MAGI2: variants seen among roughly 807,000 people sequenced by gnomAD.
MAGI2 encodes membrane associated guanylate kinase, WW and PDZ domain containing 2.
Under a neutral mutation model 133.3 loss-of-function variants are expected in MAGI2, and 35 were observed. The observed-to-expected ratio is 0.26, with a 90% CI of 0.20 to 0.35. The LOEUF is 0.35. Ranked by LOEUF, MAGI2 falls within the 10% of genes least tolerant of loss-of-function variation. MAGI2 has a pLI of 1.00. For synonymous variants in MAGI2, 729 were observed against 710.6 expected, an observed-to-expected ratio of 1.03 and a Z score of -0.41; for missense variants, 1,636 against 1,863.4, an observed-to-expected ratio of 0.88 and a Z score of 2.25.
At chr7:78,135,960 GA>G (rs928051902) in intron 16 of MAGI2, among the ~76,000 whole-genome samples, 7 of 151,328 alleles carry the variant, frequency 4.6e-5, no homozygotes, top group Non-Finnish European at 7.4e-5. Flanking sequence ...TATGCCACGG[GA>G]AAAAAAATAA....
intron 1 of MAGI2, among the ~76,000 whole-genome samples, chr7:79,259,008 A>G (rs1833892552): frequency 6.6e-6 from 1 of 152,220 alleles, no homozygotes; most frequent in Non-Finnish European, 1.5e-5. Flanking sequence ...AAGTAAATCT[A>G]GTGCCTATTG....
intron 6 of MAGI2, among the ~76,000 whole-genome samples, chr7:78,471,550 T>C (rs56080134): frequency 0.044 from 6,730 of 152,182 alleles, 509 homozygotes; most frequent in African/African-American, 0.15. Context: ...TAGACATACT[T>C]CTATGTATAT....
chr7:78,422,273 T>C (rs1274190196), intron 6 of MAGI2, among the ~76,000 whole-genome samples: 1 of 152,168 alleles, frequency 6.6e-6, no homozygotes, highest in Non-Finnish European at 1.5e-5. Context: ...GTCACACTGA[T>C]TGTAAAGTAG....
At chr7:78,609,367 T>C (rs1411620821) in intron 3 of MAGI2, among the ~76,000 whole-genome samples, 2 of 152,194 alleles carry the variant, frequency 1.3e-5, no homozygotes, top group Non-Finnish European at 1.5e-5. Flanking sequence ...AACATGACTA[T>C]GCTTCATACA....
At chr7:78,453,080 T>C (rs1255712110) in intron 6 of MAGI2, among the ~76,000 whole-genome samples, 1 of 152,184 alleles carries the variant, frequency 6.6e-6, no homozygotes, top group East Asian at 1.9e-4. Context: ...TTGTATTCTC[T>C]GAGGTTTTAT....
intron 3 of MAGI2, among the ~76,000 whole-genome samples, chr7:78,540,704 C>G (rs1034794909): frequency 2.0e-5 from 3 of 152,162 alleles, no homozygotes; most frequent in African/African-American, 7.2e-5. Flanking sequence ...GGCAGCCCTC[C>G]CTAAGGAACC....
intron 2 of MAGI2, among the ~76,000 whole-genome samples, chr7:78,664,017 G>A (rs769169493): frequency 8.5e-5 from 13 of 152,184 alleles, no homozygotes; most frequent in Non-Finnish European, 1.3e-4. Context: ...GGGATGAGCA[G>A]TGCATTTCAG....
At chr7:78,297,557 T>C (rs561706860) in intron 9 of MAGI2, among the ~76,000 whole-genome samples, 22 of 148,794 alleles carry the variant, frequency 1.5e-4, no homozygotes, top group Admixed American at 1.1e-3. Context: ...TTATTCACAA[T>C]AGCAAAGACT....
chr7:78,457,372 T>G (rs1415540916), intron 6 of MAGI2, among the ~76,000 whole-genome samples: 1 of 152,200 alleles, frequency 6.6e-6, no homozygotes. Context: ...CAGATTCTCC[T>G]AGGTTCAAAT....
At chr7:78,585,496 G>A (rs1422387462) in intron 3 of MAGI2, among the ~76,000 whole-genome samples, 3 of 152,176 alleles carry the variant, frequency 2.0e-5, no homozygotes, top group East Asian at 1.9e-4. Flanking sequence ...AGTGGAAATG[G>A]CAGCAGCATA....
intron 6 of MAGI2, among the ~76,000 whole-genome samples, chr7:78,424,524 C>T (rs140356586): frequency 6.6e-6 from 1 of 152,246 alleles, no homozygotes; most frequent in East Asian, 1.9e-4. Context: ...ATCCTCCAGA[C>T]CCCAGAATGG....
intron 1 of MAGI2, among the ~76,000 whole-genome samples, chr7:79,361,914 A>C (rs1842403821): frequency 1.3e-5 from 2 of 152,130 alleles, no homozygotes; most frequent in African/African-American, 4.8e-5. Flanking sequence ...ATATATGGGA[A>C]GCAGCTAAGG....
At chr7:78,200,863 A>C (rs1481101392) in intron 11 of MAGI2, among the ~76,000 whole-genome samples, 1 of 152,228 alleles carries the variant, frequency 6.6e-6, no homozygotes. Context: ...TATTGTGGAC[A>C]GGAGAAAAAC....
intron 9 of MAGI2, among the ~76,000 whole-genome samples, chr7:78,291,293 A>G (rs1278915135): frequency 6.6e-6 from 1 of 152,240 alleles, no homozygotes; most frequent in Non-Finnish European, 1.5e-5. Context: ...ATCACAGAAT[A>G]CTATAAACAC....
intron 9 of MAGI2, among the ~76,000 whole-genome samples, chr7:78,309,889 T>C (rs1798555989): frequency 6.6e-6 from 1 of 152,006 alleles, no homozygotes; most frequent in South Asian, 2.1e-4. Context: ...ATTGAGAAGA[T>C]AAAATAAAAT....
chr7:78,066,750 T>C (rs564225708), intron 21 of MAGI2, among the ~76,000 whole-genome samples: 127 of 152,340 alleles, frequency 8.3e-4, no homozygotes, highest in Non-Finnish European at 1.5e-3. Flanking sequence ...AACTGCTTCC[T>C]GCACTGCCTG....
intron 6 of MAGI2, among the ~76,000 whole-genome samples, chr7:78,433,034 C>T: frequency 6.6e-6 from 1 of 152,040 alleles, no homozygotes; most frequent in East Asian, 1.9e-4. Context: ...CCCATGTTCA[C>T]TCTTTAGAGT....
intron 2 of MAGI2, among the ~76,000 whole-genome samples, chr7:78,949,377 T>A (rs906334145): frequency 6.6e-6 from 1 of 152,152 alleles, no homozygotes; most frequent in African/African-American, 2.4e-5. Context: ...GAATTCTTCA[T>A]CTGGTAAAAA....
chr7:78,914,215 A>G (rs1354343558), intron 2 of MAGI2, among the ~76,000 whole-genome samples: 1 of 152,180 alleles, frequency 6.6e-6, no homozygotes, highest in Non-Finnish European at 1.5e-5. Flanking sequence ...AGCTCCTAAC[A>G]CAGATAAAGG....
Sources: gnomAD v4.1 joint callset for allele counts (sites outside exome capture counted in the v4.1 genomes callset) on GRCh38, gnomAD v4.1.1 for gene constraint, MANE v1.5 for transcripts, NCBI Gene and HGNC (gene_info 2026-07-23, HGNC 2026-07-21) for gene names.